Variants in DOCK6 observed in about 807,000 individuals in gnomAD.
DOCK6 encodes dedicator of cytokinesis 6, also known as dedicator of cytokinesis protein 6.
Under a neutral mutation model 230.3 loss-of-function variants are expected in DOCK6, and 167 were observed. The observed-to-expected ratio is 0.73, with a 90% CI of 0.64 to 0.82. DOCK6 has a LOEUF of 0.82. Ranked by LOEUF, DOCK6 falls within the 40% of genes least tolerant of loss-of-function variation. DOCK6 has a pLI of 0.00. For missense variants in DOCK6, 2,598 were observed against 2,825.8 expected (o/e 0.92, Z 1.83); for synonymous variants, 1,148 against 1,185.0 (o/e 0.97, Z 0.64).
At chr19:11,230,559 G>T (rs1415186984) in intron 22 of DOCK6, among the ~76,000 whole-genome samples, 4 of 152,020 alleles carry the variant, frequency 2.6e-5, no homozygotes, top group African/African-American at 9.7e-5. Flanking sequence ...GAGAAGGTGA[G>T]GGTGAGTGTA....
intron 14 of DOCK6, chr19:11,241,682 G>T (rs1205367632): frequency 6.3e-7 from 1 of 1,582,624 alleles, no homozygotes; most frequent in East Asian, 2.3e-5. Context: ...GGCGCTCCCA[G>T]CCTGAATCTG....
Position 11,236,754 on chromosome 19 carries a change from G to A in DOCK6, c.2160+39C>T, listed in dbSNP as rs749148991. On this transcript the variant is annotated intron_variant, in intron 19 of 47. Coordinates refer to ENST00000294618, the MANE Select transcript of DOCK6 (RefSeq NM_020812.4). This position sits in a 1 kb window ranked among gnomAD's most constrained non-coding sequence, Gnocchi z 5.2. ...CTCAATCGTAGGGCAGGCAAGAGGG[G>A]AGCAGGGCGGGACTCTTGGTTCCCG... 1.9e-6 allele frequency: 3 copies of A among 1,549,228 alleles called. No homozygotes were observed. The highest frequency in any genetic ancestry group is 1.4e-5 in the African/African-American group (1 of 73,018).
In DOCK6 at chr19:11,206,959, C is replaced by T. The variant is rs146848868; in HGVS notation, c.5088+1727G>A. Among the ~76,000 whole-genome samples, 980 of 152,000 alleles carry T rather than the reference C, an allele frequency of 6.4e-3. 11 individuals are homozygous for T. The highest frequency in any genetic ancestry group is 0.022 in the African/African-American group (928 of 41,440). Reference sequence around the variant, plus strand: ...TCCCGGGTTCAAGCGAGTCTCATCCCGAGTAGCTGGGATTACAGACACCTG... The same window carrying T: ...TCCCGGGTTCAAGCGAGTCTCATCCTGAGTAGCTGGGATTACAGACACCTG... On this transcript the variant is annotated intron_variant, in intron 39 of 47. Coordinates refer to ENST00000294618, the MANE Select transcript of DOCK6 (RefSeq NM_020812.4).
chr19:11,258,722 C>T (rs1414945701), intron 1 of DOCK6, among the ~76,000 whole-genome samples: 2 of 149,916 alleles, frequency 1.3e-5, no homozygotes, highest in Non-Finnish European at 3.0e-5. Context: ...CATGAGCCAA[C>T]GCGCCCGGCC....
rs56243833 is a variant in DOCK6, at chr19:11,204,087, G to T, written c.5229C>A (p.Gly1743=). 6.3e-4 allele frequency: 984 copies of T among 1,549,978 alleles called. 8 individuals are homozygous for T. The African/African-American group carries it at 9.1e-3, about 14-fold the overall frequency. ...TCCACCAAGGCTGACTCACCTCCCA[G>T]CCGGAACTCTGTGGGGAAGAGAAGG... ...AFTKIMHQSS[G]WERVFGTYFR... The change falls in exon 41 of 48, where the codon GGC becomes GGA. Residue 1743 remains glycine, a synonymous_variant. Coordinates refer to ENST00000294618, the MANE Select transcript of DOCK6 (RefSeq NM_020812.4).
chr19:11,219,914 C>T (rs917290600), intron 28 of DOCK6, among the ~76,000 whole-genome samples: 1 of 151,862 alleles, frequency 6.6e-6, no homozygotes, highest in African/African-American at 2.4e-5. Context: ...CCCAGGGTCA[C>T]ATAGCAGGTA....
intron 7 of DOCK6, among the ~76,000 whole-genome samples, 177 bp from the exon 8 acceptor site, chr19:11,246,055 C>T (rs1253648839): frequency 6.6e-6 from 1 of 151,726 alleles, no homozygotes; most frequent in African/African-American, 2.4e-5. Flanking sequence ...AACTGAGGCA[C>T]TGAAGTTTTT....
chr19:11,216,276 T>C (rs1294134472), intron 30 of DOCK6: 1 of 193,876 alleles, frequency 5.2e-6, no homozygotes, highest in South Asian at 9.9e-5. Flanking sequence ...TTCGTAGAGA[T>C]GGGGTTTTAC....
rs373091988 is a variant in DOCK6, at chr19:11,251,043, C to T, written c.551G>A (p.Arg184Gln). 1.4e-5 allele frequency: 22 copies of T among 1,613,152 alleles called. No homozygotes were observed. Among genetic ancestry groups the T allele is most frequent in the Middle Eastern group, 1.6e-4 (1 of 6,076 alleles). Reference protein sequence around the residue: ...RGSGSPEDTPRSSGASSIFDL... With the variant: ...RGSGSPEDTPQSSGASSIFDL... ...GAAGATGCTAGAGGCACCACTGCTTCGAGGGGTGTCTTCCGGGGAGCCCGA... is the reference window on the plus strand; with the variant it reads ...GAAGATGCTAGAGGCACCACTGCTTTGAGGGGTGTCTTCCGGGGAGCCCGA... Residue 184 changes from arginine to glutamine, a missense_variant, in exon 6 of 48, where the codon CGA (arginine) becomes CAA (glutamine). Arg to Gln is a conservative substitution (Grantham distance 43). Coordinates refer to ENST00000294618, the MANE Select transcript of DOCK6 (RefSeq NM_020812.4).
intron 24 of DOCK6, among the ~76,000 whole-genome samples, chr19:11,225,446 C>T (rs915903892): frequency 6.6e-6 from 1 of 152,066 alleles, no homozygotes; most frequent in Admixed American, 6.6e-5. Flanking sequence ...AAGTTCCCAG[C>T]AAATCCAGAG....
rs2079163130 is a variant in DOCK6, at chr19:11,201,147, AG to A, written c.5689-96del. 10 of 1,459,734 alleles carry A rather than the reference AG, an allele frequency of 6.9e-6. No individual in the cohort carries two copies. Among genetic ancestry groups the A allele is most frequent in the Non-Finnish European group, 9.3e-6 (10 of 1,073,932 alleles). 90.4% of individuals were successfully genotyped at this position (1,459,734 alleles called of 1,614,324 possible). A position where few individuals can be genotyped will look rare whatever the true frequency, so the allele number is the denominator to read the frequency against. On this transcript the variant is annotated intron_variant, in intron 44 of 47. Transcript: ENST00000294618. This position sits in a 1 kb window ranked among gnomAD's most constrained non-coding sequence, Gnocchi z 4.3. ...CAGCTCAGACCCCGCTGGGAGTGAGAGGGGTCCAAGAACCCAGGCAATGAAC... is the reference window on the plus strand; with the variant it reads ...CAGCTCAGACCCCGCTGGGAGTGAGAGGGTCCAAGAACCCAGGCAATGAAC...
rs1479464660 is a variant in DOCK6, at chr19:11,200,164, A to C, written c.6101+144T>G. The C allele has an allele frequency of 3.2e-5, 30 of 928,882 alleles. No homozygotes were observed. Among genetic ancestry groups the C allele is most frequent in the East Asian group, 5.6e-5 (2 of 36,002 alleles). The allele number at this position is 928,882 out of a possible 1,614,324, so 57.5% of individuals were successfully genotyped here. On this transcript the variant is annotated intron_variant, in intron 47 of 47. Transcript: ENST00000294618. The surrounding 1 kb of genome is among the most constrained non-coding windows in gnomAD (Gnocchi z 4.3). Reference sequence around the variant, plus strand: ...AGAGTCTCTCAAAAAAAAAAACAAAAAAAAAACCGGAAACAAAACAAAGTC... The same window carrying C: ...AGAGTCTCTCAAAAAAAAAAACAAACAAAAAACCGGAAACAAAACAAAGTC...
At chr19:11,238,467 A>T in intron 14 of DOCK6, 163 bp from the exon 15 acceptor site, 1 of 639,946 alleles carries the variant, frequency 1.6e-6, no homozygotes, top group East Asian at 2.8e-5. Context: ...TACAGGTATC[A>T]GTCAGGAGAT....
chr19:11,255,009 CT>C (rs1470268960), intron 1 of DOCK6, among the ~76,000 whole-genome samples: 3 of 152,006 alleles, frequency 2.0e-5, no homozygotes, highest in East Asian at 1.9e-4. Flanking sequence ...GCACACACTC[CT>C]TTTTTTTCTG....
At chr19:11,204,621 C>T (rs750627513) in intron 39 of DOCK6, among the ~76,000 whole-genome samples, 48 of 152,128 alleles carry the variant, frequency 3.2e-4, no homozygotes, top group Admixed American at 2.1e-3. Flanking sequence ...CTCACTGCAA[C>T]CTCCAACTCC....
Position 11,201,055 on chromosome 19 carries a change from G to A in DOCK6, c.5689-3C>T, listed in dbSNP as rs768791989. On this transcript the variant is annotated splice_polypyrimidine_tract_variant and splice_region_variant and intron_variant, in intron 44 of 47. Transcript: ENST00000294618. This position sits in a 1 kb window ranked among gnomAD's most constrained non-coding sequence, Gnocchi z 4.3. Reference sequence around the variant, plus strand: ...ACCTCCACTGGCGTCAGCACCGTCTGTGGGGTAAGGGGAGGGGTGTGTACT... The same window carrying A: ...ACCTCCACTGGCGTCAGCACCGTCTATGGGGTAAGGGGAGGGGTGTGTACT... 2.0e-5 allele frequency: 33 copies of A among 1,613,410 alleles called. No individual in the cohort carries two copies. The highest frequency in any genetic ancestry group is 2.7e-5 in the Non-Finnish European group (32 of 1,179,822).
At chr19:11,253,883 C>T in intron 1 of DOCK6, 157 bp from the exon 2 acceptor site, 1 of 553,416 alleles carries the variant, frequency 1.8e-6, no homozygotes, top group Non-Finnish European at 3.1e-6. Flanking sequence ...CCACAGCTCC[C>T]CAGTTCCCCC....
rs763163741 is a variant in DOCK6 at position 11,236,569 on chromosome 19, G to A, written c.2169C>T (p.Tyr723=). 1.3e-6 allele frequency: 2 copies of A among 1,588,326 alleles called. No homozygotes were observed. Among genetic ancestry groups the A allele is most frequent in the Non-Finnish European group, 1.7e-6 (2 of 1,167,886 alleles). Reference sequence around the variant, plus strand: ...GCACCAGGGTGAAGAATTTGTCCAGGTAGGGGTCCTGGGTAGGGATGTGGA... The same window carrying A: ...GCACCAGGGTGAAGAATTTGTCCAGATAGGGGTCCTGGGTAGGGATGTGGA... The part of the protein sequence containing the change: ...AVSSVHPQDP[Y]LDKFFTLVHV... The change falls in exon 20 of 48, where the codon TAC becomes TAT. Residue 723 remains tyrosine (Y), a synonymous_variant. Transcript: ENST00000294618. This position sits in a 1 kb window ranked among gnomAD's most constrained non-coding sequence, Gnocchi z 5.2.
chr19:11,223,248 A>T, intron 24 of DOCK6, 142 bp from the exon 25 acceptor site: 1 of 747,944 alleles, frequency 1.3e-6, no homozygotes, highest in Non-Finnish European at 2.2e-6. Context: ...TGACTCTGGG[A>T]CTTCCTGGTT....
Sources: allele counts gnomAD v4.1 joint callset (sites outside exome capture counted in the v4.1 genomes callset), GRCh38; gene constraint gnomAD v4.1.1; non-coding constraint Gnocchi (gnomAD v3.1); transcripts MANE v1.5; gene names NCBI Gene and HGNC (gene_info 2026-07-23, HGNC 2026-07-21).